The following KAZN variants were observed in gnomAD, a reference collection of about 807,000 sequenced individuals.
KAZN encodes the protein kazrin.
In KAZN, 40 loss-of-function variants were observed where a neutral mutation model predicts 87.4. That is an observed-to-expected ratio of 0.46 (90% CI 0.36 to 0.60). The LOEUF (loss-of-function observed/expected upper bound fraction) is 0.60. Among genes scored for constraint, KAZN ranks in the 20% least tolerant of loss-of-function variants. The probability of loss-of-function intolerance (pLI) is 0.00; values close to 1 mark genes in which losing one functional copy is unlikely to be tolerated. For synonymous variants in KAZN, 466 were observed against 458.3 expected (o/e 1.02, Z -0.22); for missense variants, 898 against 1,073.9 (o/e 0.84, Z 2.29).
At position 14,662,968 on chromosome 1, in the gene KAZN, T is replaced by C. The variant is rs200697603; in HGVS notation, c.226+63745T>C. On this transcript the variant is annotated intron_variant, in intron 1 of 14. Transcript: ENST00000376030. ...AAATATATATATATATGCACACATA[T>C]ATATATATATATATTTTAGAGAGGG... 3.2e-3 allele frequency among the ~76,000 whole-genome samples: 453 copies of C among 140,908 alleles called. 8 individuals carry two copies. The highest frequency in any genetic ancestry group is 0.02 in the East Asian group (98 of 4,882). 92.4% of individuals were successfully genotyped at this position (140,908 alleles called of 152,430 possible).
intron 1 of KAZN, among the ~76,000 whole-genome samples, chr1:14,616,497 A>G (rs1469247742): frequency 1.3e-5 from 2 of 151,950 alleles, no homozygotes; most frequent in Non-Finnish European, 2.9e-5. Context: ...TACAAGCCAG[A>G]TGCCCAAATT....
intron 2 of KAZN, among the ~76,000 whole-genome samples, chr1:14,506,913 G>A (rs2148438267): frequency 6.6e-6 from 1 of 152,244 alleles, no homozygotes; most frequent in South Asian, 2.1e-4. Flanking sequence ...TGTCTGTATT[G>A]GTTCCAAATG....
At chr1:14,388,475 C>T (rs751677479) in intron 2 of KAZN, among the ~76,000 whole-genome samples, 9 of 152,046 alleles carry the variant, frequency 5.9e-5, no homozygotes, top group Non-Finnish European at 1.0e-4. Context: ...GTTATAGTAG[C>T]CAAAACAGTA....
chr1:14,579,933 A>C (rs1571975724), intron 2 of KAZN, among the ~76,000 whole-genome samples: 1 of 148,914 alleles, frequency 6.7e-6, no homozygotes, highest in African/African-American at 2.5e-5. Context: ...CATTCACTTT[A>C]TTATTTTCTA....
At chr1:14,527,420 G>A (rs1324092550) in intron 2 of KAZN, among the ~76,000 whole-genome samples, 3 of 151,948 alleles carry the variant, frequency 2.0e-5, no homozygotes, top group Non-Finnish European at 4.4e-5. Context: ...GTGGTGGCGG[G>A]CACCTGTAAT....
chr1:14,444,613 C>T (rs962115935), intron 2 of KAZN, among the ~76,000 whole-genome samples: 3 of 152,020 alleles, frequency 2.0e-5, no homozygotes, highest in Admixed American at 6.6e-5. Flanking sequence ...GCGTCCGGCC[C>T]GATTCTTTTT....
chr1:14,149,077 T>G (rs145965008), intron 1 of KAZN, among the ~76,000 whole-genome samples: 8,972 of 127,910 alleles, frequency 0.07, 1,180 homozygotes, highest in African/African-American at 0.13. Context: ...CTTCCTTCCT[T>G]CCTTCCTTCC....
intron 1 of KAZN, among the ~76,000 whole-genome samples, chr1:14,904,115 G>A (rs1013310093): frequency 2.6e-5 from 4 of 152,140 alleles, no homozygotes; most frequent in Non-Finnish European, 4.4e-5. Flanking sequence ...GCAGACTCAC[G>A]TTCCAACCTC....
At position 14,675,213 on chromosome 1, in the gene KAZN, C is replaced by G. The variant is rs563752339; in HGVS notation, c.226+75990C>G. On this transcript the variant is annotated intron_variant, in intron 1 of 14. Transcript: ENST00000376030. Reference sequence around the variant, plus strand: ...GGCTGCCACCAGGCCCCACTGCCTTCACACCAAGAGGGCAGCAGGATGGGG... The same window carrying G: ...GGCTGCCACCAGGCCCCACTGCCTTGACACCAAGAGGGCAGCAGGATGGGG... Among the ~76,000 whole-genome samples, 23 of 152,304 alleles carry G rather than the reference C, an allele frequency of 1.5e-4. 1 individual carries two copies. In the South Asian group the frequency reaches 4.8e-3, roughly 32 times the overall value.
At chr1:14,532,180 A>C (rs10927458) in intron 2 of KAZN, among the ~76,000 whole-genome samples, 143,685 of 152,032 alleles carry the variant, frequency 0.95, 68,427 homozygotes, top group East Asian at 1. Context: ...TTTCTTTCCC[A>C]GCTGCTTCTT....
chr1:14,934,745 A>G (rs1445565686), intron 1 of KAZN, among the ~76,000 whole-genome samples: 1 of 152,238 alleles, frequency 6.6e-6, no homozygotes, highest in African/African-American at 2.4e-5. Context: ...CAGAGTGGTC[A>G]TTTGGGGGCT....
intron 2 of KAZN, among the ~76,000 whole-genome samples, chr1:14,225,243 A>G (rs1328505755): frequency 1.3e-5 from 2 of 152,182 alleles, no homozygotes; most frequent in African/African-American, 2.4e-5. Flanking sequence ...CCACATTTCT[A>G]TACATCACCA....
At chr1:15,034,624 C>A in intron 2 of KAZN, 125 bp from the exon 3 acceptor site, 2 of 1,171,624 alleles carry the variant, frequency 1.7e-6, no homozygotes, top group Non-Finnish European at 1.2e-6. Flanking sequence ...AGGGACATTT[C>A]GTCTTTCTGA....
At chr1:14,511,566 T>C (rs1670909555) in intron 2 of KAZN, among the ~76,000 whole-genome samples, 1 of 152,162 alleles carries the variant, frequency 6.6e-6, no homozygotes, top group Non-Finnish European at 1.5e-5. Context: ...TCACAACACA[T>C]TTATCATTCA....
chr1:14,470,545 T>C (rs1200241368), intron 2 of KAZN, among the ~76,000 whole-genome samples: 1 of 152,242 alleles, frequency 6.6e-6, no homozygotes, highest in Non-Finnish European at 1.5e-5. Context: ...GTTTTTTCTC[T>C]TAGATAGAAG....
chr1:14,443,455 G>C (rs1272542637), intron 2 of KAZN, among the ~76,000 whole-genome samples: 1 of 152,186 alleles, frequency 6.6e-6, no homozygotes, highest in Non-Finnish European at 1.5e-5. Flanking sequence ...AATAAATCAA[G>C]AGCAGCCCAC....
At chr1:14,610,806 A>C (rs1677754145) in intron 1 of KAZN, among the ~76,000 whole-genome samples, 1 of 152,160 alleles carries the variant, frequency 6.6e-6, no homozygotes, top group African/African-American at 2.4e-5. Flanking sequence ...TAGCAATCAC[A>C]ATAAATCTGC....
At chr1:14,848,727 G>A (rs1016841464) in intron 1 of KAZN, among the ~76,000 whole-genome samples, 3 of 152,156 alleles carry the variant, frequency 2.0e-5, no homozygotes, top group African/African-American at 4.8e-5. Context: ...TTAAAACGTC[G>A]CCATCCATCC....
chr1:14,479,173 C>T (rs550390470), intron 2 of KAZN, among the ~76,000 whole-genome samples: 1 of 152,288 alleles, frequency 6.6e-6, no homozygotes, highest in East Asian at 1.9e-4. Flanking sequence ...AAGTGGGCCC[C>T]TGTGGCAATG....
Sources: allele counts gnomAD v4.1 joint callset (sites outside exome capture counted in the v4.1 genomes callset), GRCh38; gene constraint gnomAD v4.1.1; transcripts MANE v1.5; gene names NCBI Gene and HGNC (gene_info 2026-07-23, HGNC 2026-07-21).